Variants in GABRA3 observed in about 807,000 individuals in gnomAD.
The protein encoded by GABRA3 is gamma-aminobutyric acid type A receptor subunit alpha3, also known as gamma-aminobutyric acid receptor subunit alpha-3.
GABRA3 carries 10 observed loss-of-function variants against 30.1 expected under a neutral mutation model. The observed-to-expected ratio is 0.33, with a 90% CI of 0.20 to 0.56. The LOEUF (loss-of-function observed/expected upper bound fraction) is 0.56, where lower values mean the gene tolerates loss of function less well. Ranked by LOEUF, GABRA3 falls within the 20% of genes least tolerant of loss-of-function variation. GABRA3 has a pLI of 0.89. For missense variants in GABRA3, 233 were observed against 392.0 expected, an observed-to-expected ratio of 0.59 and a Z score of 3.42; for synonymous variants, 151 against 146.8, an observed-to-expected ratio of 1.03 and a Z score of -0.21.
At chrX:152,376,050 G>A (rs1488559197) in intron 1 of GABRA3, among the ~76,000 whole-genome samples, 1 of 111,987 alleles carries the variant, frequency 8.9e-6, no homozygotes, top group Non-Finnish European at 1.9e-5. Flanking sequence ...CTGTCCTCAG[G>A]TTGCTGAAAC....
At chrX:152,277,574 T>C (rs977664613) in intron 4 of GABRA3, among the ~76,000 whole-genome samples, 1 of 111,716 alleles carries the variant, frequency 9.0e-6, no homozygotes, top group Non-Finnish European at 1.9e-5. Flanking sequence ...AAGTATTCCA[T>C]GACCTTTGGC....
intron 1 of GABRA3, among the ~76,000 whole-genome samples, chrX:152,405,276 C>T (rs1294981380): frequency 1.0e-5 from 1 of 96,790 alleles, no homozygotes; most frequent in African/African-American, 4.0e-5. Flanking sequence ...CTACACCAGC[C>T]CAAGGCCAGA....
chrX:152,440,845 A>T (rs755940721), intron 1 of GABRA3, among the ~76,000 whole-genome samples: 12 of 110,528 alleles, frequency 1.1e-4, no homozygotes, highest in Non-Finnish European at 1.3e-4. Flanking sequence ...GGGGAACATC[A>T]CACACTGGGG....
intron 3 of GABRA3, among the ~76,000 whole-genome samples, chrX:152,330,204 T>C (rs755182459): frequency 9.0e-6 from 1 of 111,440 alleles, no homozygotes; most frequent in Non-Finnish European, 1.9e-5. Context: ...AAACAACAGG[T>C]GTTGGAAAGG....
At chrX:152,410,571 T>C (rs188866158) in intron 1 of GABRA3, among the ~76,000 whole-genome samples, 1 of 111,300 alleles carries the variant, frequency 9.0e-6, no homozygotes, top group East Asian at 2.8e-4. Context: ...TCTATCAACA[T>C]ATAGAACTAT....
Position 152,197,714 on chromosome X carries a change from A to C in GABRA3, c.850T>G (p.Leu284Val). 1 of 1,209,948 alleles carries C rather than the reference A, an allele frequency of 8.3e-7. No individual in the cohort carries two copies. Among genetic ancestry groups the C allele is most frequent in the Non-Finnish European group, 1.1e-6 (1 of 893,766 alleles). ...AGAATGACAGTCATGATACATGGCA[A>C]GTAGGTCTGGATCACAAAGTAGCCA... is the stretch of plus-strand genomic sequence containing the variant. ...KIGYFVIQTY[L>V]PCIMTVILSQ... is the part of the protein sequence containing the mutation. The change falls in exon 8 of 10, where the codon TTG (leucine) becomes GTG (valine). Residue 284 changes from leucine (L) to valine (V), a missense_variant. Leu to Val is a conservative substitution (Grantham distance 32). This residue lies in a region of GABRA3 where 20 missense variants were observed against 84.3 expected (regional missense o/e 0.24). Coordinates refer to ENST00000370314, the MANE Select transcript of GABRA3 (RefSeq NM_000808.4).
chrX:152,325,459 T>C, intron 3 of GABRA3, among the ~76,000 whole-genome samples: 1 of 111,748 alleles, frequency 8.9e-6, no homozygotes, highest in South Asian at 3.8e-4. Flanking sequence ...AGGGGCCGAC[T>C]GACACCTCAT....
At chrX:152,403,551 CGTGTGTGTATGTGCACACGT>C (rs1214538949) in intron 1 of GABRA3, among the ~76,000 whole-genome samples, 11 of 73,714 alleles carry the variant, frequency 1.5e-4, no homozygotes, top group South Asian at 9.0e-4. Flanking sequence ...TGTGTGCACA[CGTGTGTGTATGTGCACACGT>C]GTGTGTGTGT....
In GABRA3 at chrX:152,169,188, A is replaced by T. The variant is rs151158988; in HGVS notation, c.1144-625T>A. Among the ~76,000 whole-genome samples, 256 of 112,629 alleles carry T rather than the reference A, an allele frequency of 2.3e-3. 2 individuals are homozygous for T. In the South Asian group the frequency reaches 0.043, roughly 19 times the overall value. On this transcript the variant is annotated intron_variant, in intron 9 of 9. Transcript: ENST00000370314. The stretch of plus-strand genomic sequence containing the variant: ...AAGTGGCACATCTCCTGTGAGGAAG[A>T]GAGCTTGGTGAGTCTGAAAAGTCAT...
chrX:152,380,441 T>G (rs1929112612), intron 1 of GABRA3, among the ~76,000 whole-genome samples: 1 of 112,389 alleles, frequency 8.9e-6, no homozygotes, highest in African/African-American at 3.2e-5. Context: ...CCTTCTTCGT[T>G]AAGGCTGAAT....
intron 1 of GABRA3, among the ~76,000 whole-genome samples, chrX:152,365,048 T>A (rs1928616696): frequency 8.9e-6 from 1 of 111,904 alleles, no homozygotes; most frequent in South Asian, 3.7e-4. Context: ...TCTTTAGTGT[T>A]ACAAAGTCCT....
At chrX:152,419,128 C>A (rs779046086) in intron 1 of GABRA3, among the ~76,000 whole-genome samples, 115 of 109,238 alleles carry the variant, frequency 1.1e-3, no homozygotes, top group African/African-American at 3.6e-3. Flanking sequence ...ACATCACACA[C>A]CGGGGTCTGT....
chrX:152,281,301 A>G (rs1939194664), intron 4 of GABRA3, among the ~76,000 whole-genome samples: 1 of 111,398 alleles, frequency 9.0e-6, no homozygotes, highest in African/African-American at 3.3e-5. Context: ...TCCTAATAAT[A>G]GATAATTATA....
At chrX:152,310,674 T>C (rs776925372) in intron 3 of GABRA3, among the ~76,000 whole-genome samples, 1 of 109,622 alleles carries the variant, frequency 9.1e-6, no homozygotes, top group South Asian at 3.9e-4. Context: ...AGTAAACTAC[T>C]CCAAAGCTAG....
At chrX:152,384,374 A>G (rs776599244) in intron 1 of GABRA3, among the ~76,000 whole-genome samples, 1 of 112,098 alleles carries the variant, frequency 8.9e-6, no homozygotes, top group Admixed American at 9.5e-5. Flanking sequence ...AAAAAAGACT[A>G]TTTAAAAAAA....
chrX:152,258,463 C>T (rs376168899), intron 4 of GABRA3, among the ~76,000 whole-genome samples: 5 of 111,186 alleles, frequency 4.5e-5, no homozygotes, highest in East Asian at 5.7e-4. Context: ...ACGTGTATTA[C>T]GATTCTAAAT....
At chrX:152,392,519 A>G (rs1406819785) in intron 1 of GABRA3, among the ~76,000 whole-genome samples, 2 of 112,183 alleles carry the variant, frequency 1.8e-5, no homozygotes, top group African/African-American at 3.2e-5. Flanking sequence ...AAGCACATTC[A>G]TACAACCATG....
At chrX:152,358,259 C>T (rs1940582088) in intron 2 of GABRA3, among the ~76,000 whole-genome samples, 2 of 110,909 alleles carry the variant, frequency 1.8e-5, no homozygotes, top group Admixed American at 9.6e-5. Context: ...TATTGTAGAG[C>T]TCTTTCACCA....
intron 3 of GABRA3, among the ~76,000 whole-genome samples, chrX:152,311,843 A>C (rs2124460411): frequency 9.0e-6 from 1 of 111,519 alleles, no homozygotes; most frequent in South Asian, 3.7e-4. Context: ...GCTGATAAAA[A>C]AAAAAACATC....
Sources: gnomAD v4.1 joint callset for allele counts (sites outside exome capture counted in the v4.1 genomes callset) on GRCh38, gnomAD v4.1.1 for gene constraint, gnomAD v4.1.1 regional missense constraint, MANE v1.5 for transcripts, NCBI Gene and HGNC (gene_info 2026-07-23, HGNC 2026-07-21) for gene names.